Variants in ZC3H12B observed in about 807,000 individuals in gnomAD.
The protein encoded by ZC3H12B is probable ribonuclease ZC3H12B.
Under a neutral mutation model 43.9 loss-of-function variants are expected in ZC3H12B, and 7 were observed. That is an observed-to-expected ratio of 0.16 (90% confidence interval 0.09 to 0.30). The LOEUF (loss-of-function observed/expected upper bound fraction) is 0.30, where lower values mean the gene tolerates loss of function less well. Among genes scored for constraint, ZC3H12B ranks in the 10% least tolerant of loss-of-function variants. The pLI is 1.00. For synonymous variants in ZC3H12B, 222 were observed against 241.7 expected, an observed-to-expected ratio of 0.92 and a Z score of 0.76; for missense variants, 475 against 670.2, an observed-to-expected ratio of 0.71 and a Z score of 3.22.
At chrX:65,285,031 TCAAAGAAA>T in the ZC3H12B span, among the ~76,000 whole-genome samples, 1 of 110,479 alleles carries the variant, frequency 9.1e-6, no homozygotes, top group Non-Finnish European at 1.9e-5. Flanking sequence ...ATCACCTAGG[TCAAAGAAA>T]CAAAGAAACG....
chrX:65,124,406 G>T, the ZC3H12B span, among the ~76,000 whole-genome samples: 2 of 110,458 alleles, frequency 1.8e-5, no homozygotes, highest in Non-Finnish European at 3.8e-5. Context: ...TTTTTTTGAG[G>T]ATTCTGCATC....
chrX:65,197,139 G>A, the ZC3H12B span, among the ~76,000 whole-genome samples: 75 of 112,163 alleles, frequency 6.7e-4, no homozygotes, highest in South Asian at 8.1e-3. Context: ...GGCAAAAGGC[G>A]CGAGACAAAG....
At chrX:65,162,903 T>A in the ZC3H12B span, among the ~76,000 whole-genome samples, 1 of 112,032 alleles carries the variant, frequency 8.9e-6, no homozygotes, top group East Asian at 2.8e-4. Flanking sequence ...TGGTTTTATC[T>A]ACTTTTGTTC....
chrX:65,094,564 A>T, the ZC3H12B span, among the ~76,000 whole-genome samples: 2 of 111,749 alleles, frequency 1.8e-5, no homozygotes, highest in Admixed American at 9.5e-5. Context: ...TGGATTTTTA[A>T]AAAATGTTTT....
chrX:65,357,206 G>A, the ZC3H12B span: 1 of 398,285 alleles, frequency 2.5e-6, no homozygotes. Flanking sequence ...TCCCTCTCAG[G>A]GTGAAATAGA....
the ZC3H12B span, among the ~76,000 whole-genome samples, chrX:65,239,405 T>C: frequency 9.0e-6 from 1 of 111,105 alleles, no homozygotes; most frequent in Non-Finnish European, 1.9e-5. Context: ...CTGCTCTTTT[T>C]TTTTTTCCAT....
chrX:65,182,330 G>T, the ZC3H12B span, among the ~76,000 whole-genome samples: 273 of 110,974 alleles, frequency 2.5e-3, 1 homozygote, highest in Middle Eastern at 4.6e-3. Flanking sequence ...ATGATGGGTT[G>T]ATAGGTGTAG....
chrX:65,434,789 G>T, intron 3 of ZC3H12B, among the ~76,000 whole-genome samples: 1 of 111,188 alleles, frequency 9.0e-6, no homozygotes, highest in Non-Finnish European at 1.9e-5. Context: ...ATCATTGTCT[G>T]GCTTGATAAC....
chrX:65,099,558 G>T, the ZC3H12B span, among the ~76,000 whole-genome samples: 6 of 111,577 alleles, frequency 5.4e-5, no homozygotes, highest in African/African-American at 2.0e-4. Context: ...CTGTTCTGTA[G>T]CCTCTGCTTG....
upstream of ZC3H12B, among the ~76,000 whole-genome samples, chrX:65,486,417 C>G (rs997207691): frequency 3.6e-5 from 4 of 112,113 alleles, no homozygotes; most frequent in African/African-American, 6.5e-5. Flanking sequence ...CTCTGGCACT[C>G]AGGGACTGTT....
chrX:65,276,559 G>GA, the ZC3H12B span, among the ~76,000 whole-genome samples: 78 of 108,966 alleles, frequency 7.2e-4, no homozygotes, highest in Middle Eastern at 4.8e-3. Flanking sequence ...GTGTCTGGCA[G>GA]AAAAAAAAAC....
the ZC3H12B span, among the ~76,000 whole-genome samples, chrX:65,143,509 T>A: frequency 4.6e-4 from 51 of 110,705 alleles, 1 homozygote; most frequent in East Asian, 0.011. Flanking sequence ...CTTGTGTATG[T>A]TAAACCATCC....
intron 2 of ZC3H12B, among the ~76,000 whole-genome samples, chrX:65,381,194 T>C (rs1451923511): frequency 1.8e-5 from 2 of 111,228 alleles, no homozygotes; most frequent in African/African-American, 6.6e-5. Context: ...ATTGACCGCA[T>C]ACGTGGAAGT....
chrX:65,177,670 C>G, the ZC3H12B span, among the ~76,000 whole-genome samples: 3 of 111,748 alleles, frequency 2.7e-5, no homozygotes, highest in African/African-American at 9.8e-5. Context: ...GAATGCCAAT[C>G]ACAATTGTGA....
the ZC3H12B span, among the ~76,000 whole-genome samples, chrX:65,082,779 C>A: frequency 9.0e-6 from 1 of 110,788 alleles, no homozygotes; most frequent in Non-Finnish European, 1.9e-5. Flanking sequence ...TATTACCCTA[C>A]CAAAACCAGA....
the ZC3H12B span, among the ~76,000 whole-genome samples, chrX:65,268,046 G>C: frequency 9.1e-6 from 1 of 109,875 alleles, no homozygotes; most frequent in African/African-American, 3.3e-5. Flanking sequence ...AAAGACATGA[G>C]ACTCAAATAA....
chrX:65,035,844 TAAAAC>T, the ZC3H12B span, among the ~76,000 whole-genome samples: 11 of 112,021 alleles, frequency 9.8e-5, no homozygotes, highest in East Asian at 3.1e-3. Context: ...ATAAAAATAA[TAAAAC>T]AAACACACAC....
the ZC3H12B span, among the ~76,000 whole-genome samples, chrX:65,248,283 G>A: frequency 3.1e-4 from 35 of 111,144 alleles, no homozygotes; most frequent in African/African-American, 9.2e-4. Context: ...GGTGACCTTA[G>A]CCTCCCAAAG....
At chrX:65,454,348 G>A (rs1009730825) in intron 3 of ZC3H12B, among the ~76,000 whole-genome samples, 12 of 112,116 alleles carry the variant, frequency 1.1e-4, no homozygotes, top group Non-Finnish European at 1.5e-4. Flanking sequence ...CGCCTGGCTC[G>A]GAGGGTCCTA....
Sources: gnomAD v4.1 joint callset for allele counts (sites outside exome capture counted in the v4.1 genomes callset) on GRCh38, gnomAD v4.1.1 for gene constraint, MANE v1.5 for transcripts, NCBI Gene and HGNC (gene_info 2026-07-23, HGNC 2026-07-21) for gene names.